The following COPG2 variants were observed in gnomAD, a reference collection of about 807,000 sequenced individuals.
COPG2 encodes coatomer subunit gamma-2.
A neutral mutation model predicts 46.3 loss-of-function variants in COPG2; 37 were observed. That is an observed-to-expected ratio of 0.80 (90% CI 0.61 to 1.05). The LOEUF (loss-of-function observed/expected upper bound fraction) is 1.05, where lower values mean the gene tolerates loss of function less well. Ranked by LOEUF, COPG2 falls within the 50% of genes least tolerant of loss-of-function variation. The pLI is 0.00. For missense variants in COPG2, 427 were observed against 387.8 expected, an observed-to-expected ratio of 1.10 and a Z score of -0.85; for synonymous variants, 159 against 129.7, an observed-to-expected ratio of 1.23 and a Z score of -1.53.
chr7:130,629,186 G>T (rs528156355), intron 5 of COPG2, among the ~76,000 whole-genome samples: 6 of 151,598 alleles, frequency 4.0e-5, no homozygotes, highest in African/African-American at 1.5e-4. Context: ...TCCTTTTTTG[G>T]GGGGGGTACC....
chr7:130,557,892 T>G (rs1402510576), intron 12 of COPG2, among the ~76,000 whole-genome samples: 6 of 144,990 alleles, frequency 4.1e-5, no homozygotes, highest in African/African-American at 1.5e-4. Flanking sequence ...GATGGAGGGC[T>G]AAGCATCCTA....
intron 5 of COPG2, among the ~76,000 whole-genome samples, chr7:130,638,192 G>A (rs897661212): frequency 3.3e-5 from 5 of 152,272 alleles, no homozygotes; most frequent in Middle Eastern, 3.4e-3. Flanking sequence ...CCAGTAAGGA[G>A]GCACAGGGGT....
At chr7:130,531,186 G>T (rs1799821572) in intron 20 of COPG2, among the ~76,000 whole-genome samples, 1 of 126,504 alleles carries the variant, frequency 7.9e-6, no homozygotes, top group Non-Finnish European at 1.7e-5. Context: ...GGGAATCAGG[G>T]TGGGTGGGGG....
At chr7:130,536,372 G>C (rs1170711282) in intron 20 of COPG2, among the ~76,000 whole-genome samples, 1 of 152,146 alleles carries the variant, frequency 6.6e-6, no homozygotes, top group Non-Finnish European at 1.5e-5. Flanking sequence ...ATCTGGGGTT[G>C]AGGGGTGGGT....
intron 5 of COPG2, among the ~76,000 whole-genome samples, chr7:130,618,777 G>A (rs987170467): frequency 2.6e-5 from 4 of 151,998 alleles, no homozygotes; most frequent in Non-Finnish European, 5.9e-5. Flanking sequence ...TTTGGCTTAT[G>A]TACTTTGGTG....
intron 5 of COPG2, among the ~76,000 whole-genome samples, chr7:130,636,180 T>A (rs1053617546): frequency 5.9e-5 from 9 of 152,224 alleles, no homozygotes; most frequent in African/African-American, 1.7e-4. Flanking sequence ...GTATATTCCG[T>A]TGATTTGGGG....
Position 130,506,788 on chromosome 7 carries a change from T to C in COPG2, c.2504A>G (p.Tyr835Cys). The change falls in exon 24 of 24, where the codon TAT becomes TGT. Residue 835 changes from tyrosine to cysteine, a missense_variant. Tyr to Cys is a radical substitution (Grantham distance 194). Transcript: ENST00000425248. ...CAGCCTGGACCTCACCAATAAATCA[T>C]AGCCACCTCTGAATATACCTGAGAG... ...LYLAGIFRGGYDLLVRSRLAL... is the reference protein window; with the variant it reads ...LYLAGIFRGGCDLLVRSRLAL... 2 of 779,582 alleles carry C rather than the reference T, an allele frequency of 2.6e-6. No homozygotes were observed. Among genetic ancestry groups the C allele is most frequent in the African/African-American group, 1.7e-5 (1 of 59,216 alleles). 48.3% of individuals were successfully genotyped at this position (779,582 alleles called of 1,614,324 possible).
intron 4 of COPG2, among the ~76,000 whole-genome samples, chr7:130,655,667 T>C (rs1554459805): frequency 6.6e-6 from 1 of 152,168 alleles, no homozygotes; most frequent in Non-Finnish European, 1.5e-5. Context: ...CCATTCGTTT[T>C]CTCAACTCTG....
chr7:130,622,567 T>C (rs1554453746), intron 5 of COPG2, among the ~76,000 whole-genome samples: 2 of 152,152 alleles, frequency 1.3e-5, no homozygotes, highest in African/African-American at 2.4e-5. Flanking sequence ...TTCAAGACGG[T>C]AGCAATCACT....
At chr7:130,535,390 G>A (rs1228429523) in intron 20 of COPG2, among the ~76,000 whole-genome samples, 1 of 151,968 alleles carries the variant, frequency 6.6e-6, no homozygotes, top group Admixed American at 6.6e-5. Flanking sequence ...GAAGGGAGCT[G>A]GGCAGGACAG....
intron 5 of COPG2, among the ~76,000 whole-genome samples, chr7:130,632,533 C>T (rs759627054): frequency 2.6e-5 from 4 of 151,308 alleles, no homozygotes; most frequent in African/African-American, 7.3e-5. Flanking sequence ...ATTTTTTTTT[C>T]GCACCAATAC....
chr7:130,508,619 C>T lies in COPG2; in HGVS notation c.2190G>A (p.Arg730=), dbSNP rs782594169. 1.3e-6 allele frequency: 1 copy of T among 775,210 alleles called. No homozygotes were observed. The allele number at this position is 775,210 out of a possible 1,614,324, so 48.0% of individuals were successfully genotyped here. ...SFSCTMKFTV[R]DCDPNTGVPD... ...GAACTCCAGTGTTAGGGTCACAGTC[C>T]CGGACTGTAAACTTCATGGTGCAGC... The change falls in exon 21 of 24, where the codon CGG becomes CGA. Residue 730 remains arginine, a synonymous_variant. Transcript: ENST00000425248.
intron 20 of COPG2, among the ~76,000 whole-genome samples, chr7:130,539,690 G>C (rs1385019428): frequency 2.0e-5 from 3 of 152,156 alleles, no homozygotes; most frequent in African/African-American, 4.8e-5. Context: ...GAAGTGGGAC[G>C]ATGAGGCAGC....
At chr7:130,530,315 A>G (rs1799811793) in intron 20 of COPG2, among the ~76,000 whole-genome samples, 2 of 152,092 alleles carry the variant, frequency 1.3e-5, no homozygotes, top group Non-Finnish European at 1.5e-5. Flanking sequence ...TGAGGAAATG[A>G]GGAAGAGAAG....
chr7:130,555,700 G>C (rs1793610170), intron 12 of COPG2, among the ~76,000 whole-genome samples: 1 of 152,082 alleles, frequency 6.6e-6, no homozygotes, highest in African/African-American at 2.4e-5. Flanking sequence ...GTGGTGGCGT[G>C]GGCCTGCAGT....
chr7:130,656,576 TC>T (rs1352994414), intron 4 of COPG2, among the ~76,000 whole-genome samples: 4 of 152,028 alleles, frequency 2.6e-5, no homozygotes, highest in Non-Finnish European at 5.9e-5. Flanking sequence ...CGAAAAGCCT[TC>T]CCACTAAGAA....
chr7:130,523,794 G>C (rs1051636600), intron 20 of COPG2, among the ~76,000 whole-genome samples: 1 of 152,122 alleles, frequency 6.6e-6, no homozygotes, highest in African/African-American at 2.4e-5. Flanking sequence ...AGGCACAAAG[G>C]GGAATGGAGA....
At chr7:130,532,040 C>T (rs1221805316) in intron 20 of COPG2, among the ~76,000 whole-genome samples, 3 of 152,176 alleles carry the variant, frequency 2.0e-5, no homozygotes, top group Non-Finnish European at 2.9e-5. Flanking sequence ...CCTGCATCCT[C>T]GGGTGAGAAT....
At chr7:130,533,934 G>C (rs1799853464) in intron 20 of COPG2, among the ~76,000 whole-genome samples, 1 of 125,378 alleles carries the variant, frequency 8.0e-6, no homozygotes, top group Non-Finnish European at 1.6e-5. Context: ...AAAAGAAAGG[G>C]ACAGGAGGGG....
Sources: gnomAD v4.1 joint callset for allele counts (sites outside exome capture counted in the v4.1 genomes callset) on GRCh38, gnomAD v4.1.1 for gene constraint, MANE v1.5 for transcripts, NCBI Gene and HGNC (gene_info 2026-07-23, HGNC 2026-07-21) for gene names.